The following KALRN variants were observed in gnomAD, a reference collection of about 807,000 sequenced individuals.
KALRN encodes kalirin RhoGEF kinase.
In KALRN, 70 loss-of-function variants were observed where a neutral mutation model predicts 353.7. That is an observed-to-expected ratio of 0.20 (90% CI 0.16 to 0.24). The LOEUF (loss-of-function observed/expected upper bound fraction) is 0.24. Ranked by LOEUF, KALRN falls within the 10% of genes least tolerant of loss-of-function variation. The probability of loss-of-function intolerance (pLI) is 1.00; values close to 1 mark genes in which losing one functional copy is unlikely to be tolerated. For missense variants in KALRN, 2,791 were observed against 3,756.7 expected (o/e 0.74, Z 6.72); for synonymous variants, 1,391 against 1,434.8 (o/e 0.97, Z 0.69).
chr3:124,568,823 C>T (rs747360845), intron 34 of KALRN, among the ~76,000 whole-genome samples: 2 of 152,096 alleles, frequency 1.3e-5, no homozygotes, highest in Non-Finnish European at 2.9e-5. Flanking sequence ...ATGATGATTG[C>T]CAGGGGCTGG....
intron 33 of KALRN, among the ~76,000 whole-genome samples, chr3:124,524,595 C>T (rs2067431594): frequency 6.6e-6 from 1 of 152,144 alleles, no homozygotes; most frequent in Non-Finnish European, 1.5e-5. Flanking sequence ...AAGGACTGAA[C>T]ATAAGAGAAA....
At chr3:124,384,542 G>A (rs1425324270) in intron 10 of KALRN, 11 of 246,276 alleles carry the variant, frequency 4.5e-5, no homozygotes, top group Non-Finnish European at 7.0e-5. Context: ...GGGTTTTCTT[G>A]AAGGTAGGGG....
chr3:124,617,441 C>T (rs1470510063), intron 34 of KALRN, among the ~76,000 whole-genome samples: 1 of 152,140 alleles, frequency 6.6e-6, no homozygotes, highest in Non-Finnish European at 1.5e-5. Context: ...TTATCAGTGC[C>T]AAACAAATAG....
At position 124,395,983 on chromosome 3, in the gene KALRN, T is replaced by C. The variant is rs1037264620; in HGVS notation, c.2171+640T>C. Among the ~76,000 whole-genome samples, 9 of 152,250 alleles carry C rather than the reference T, an allele frequency of 5.9e-5. 1 individual carries two copies. Among genetic ancestry groups the C allele is most frequent in the Admixed American group, 3.9e-4 (6 of 15,288 alleles). On this transcript the variant is annotated intron_variant, in intron 12 of 59. Coordinates refer to ENST00000682506, the MANE Select transcript of KALRN (RefSeq NM_001388419.1). ...TACCCAGGCCATTGCCTCCTTTCTA[T>C]TGGCATCAATATCTAGTTCTCTGCC... is the stretch of plus-strand genomic sequence containing the variant.
At chr3:124,368,354 C>T (rs535377174) in intron 10 of KALRN, among the ~76,000 whole-genome samples, 1 of 147,004 alleles carries the variant, frequency 6.8e-6, no homozygotes, top group African/African-American at 2.5e-5. Context: ...ACGGGGCGGC[C>T]GGGCAGAGAC....
chr3:124,534,889 C>T (rs771251454), intron 33 of KALRN, among the ~76,000 whole-genome samples: 1 of 152,062 alleles, frequency 6.6e-6, no homozygotes, highest in Admixed American at 6.6e-5. Flanking sequence ...ACAAACCAAG[C>T]GAACCCTGCA....
At chr3:124,234,261 G>A (rs1410422018) in intron 2 of KALRN, among the ~76,000 whole-genome samples, 2 of 152,140 alleles carry the variant, frequency 1.3e-5, no homozygotes. Flanking sequence ...ACAGGCAGGG[G>A]TGGTTTTTTG....
chr3:124,139,553 A>G (rs2066361226), intron 1 of KALRN, among the ~76,000 whole-genome samples: 1 of 152,118 alleles, frequency 6.6e-6, no homozygotes, highest in Non-Finnish European at 1.5e-5. Flanking sequence ...CTCTCTTGTT[A>G]GGGACAAGGA....
At chr3:124,679,872 C>A in intron 51 of KALRN, 1 of 332,548 alleles carries the variant, frequency 3.0e-6, no homozygotes, top group Non-Finnish European at 5.8e-6. Flanking sequence ...TGGATGAGTC[C>A]CAGCTAAATG....
At chr3:124,278,458 GGTGTGT>G (rs55855993) in intron 5 of KALRN, among the ~76,000 whole-genome samples, 10 of 145,400 alleles carry the variant, frequency 6.9e-5, no homozygotes, top group Non-Finnish European at 1.4e-4. Context: ...GGACACTTCA[GGTGTGT>G]GTGTGTGTGT....
chr3:124,408,511 A>G (rs1253622918), intron 13 of KALRN, among the ~76,000 whole-genome samples: 2 of 152,224 alleles, frequency 1.3e-5, no homozygotes, highest in Non-Finnish European at 2.9e-5. Flanking sequence ...TAGTGCTATG[A>G]GGATTAAATA....
chr3:124,152,063 G>A (rs1318031287), intron 1 of KALRN: 1 of 1,363,588 alleles, frequency 7.3e-7, no homozygotes, highest in Non-Finnish European at 1.0e-6. Context: ...TCATGGAGAA[G>A]ATAATTTAAA....
At chr3:124,163,841 G>A in intron 1 of KALRN, 1 of 985,382 alleles carries the variant, frequency 1.0e-6, no homozygotes, top group African/African-American at 1.7e-5. Flanking sequence ...TTAATGCCTG[G>A]ATATTTGCTT....
intron 50 of KALRN, 106 bp downstream of exon 50, chr3:124,678,419 G>C (rs886597627): frequency 2.4e-6 from 3 of 1,259,726 alleles, no homozygotes; most frequent in Non-Finnish European, 3.3e-6. Flanking sequence ...TTTTTTCCCA[G>C]TATGGGTACC....
At chr3:124,651,264 T>C (rs2083385921) in intron 38 of KALRN, among the ~76,000 whole-genome samples, 1 of 152,188 alleles carries the variant, frequency 6.6e-6, no homozygotes, top group African/African-American at 2.4e-5. Context: ...TGAGGGCCTA[T>C]AGAATCAGAG....
In KALRN at chr3:124,671,793, G is replaced by A; in HGVS notation, c.6837G>A (p.Lys2279=). Residue 2279 remains lysine (K), a synonymous_variant, in exon 48 of 60, where the codon AAG becomes AAA. Coordinates refer to ENST00000682506, the MANE Select transcript of KALRN (RefSeq NM_001388419.1). ...CTGCGGGCTCAGAGAAGCCCCCAAA[G>A]GGCTCCAGCTATAACCCACCTCTGC... ...SVPAGSEKPP[K]GSSYNPPLPP... 1 of 1,614,148 alleles carries A rather than the reference G, an allele frequency of 6.2e-7. No homozygotes were observed. Among genetic ancestry groups the A allele is most frequent in the Non-Finnish European group, 8.5e-7 (1 of 1,180,014 alleles).
chr3:124,607,198 G>A (rs981225659), intron 34 of KALRN, among the ~76,000 whole-genome samples: 1 of 152,236 alleles, frequency 6.6e-6, no homozygotes, highest in Admixed American at 6.5e-5. Context: ...TTTTACAGTG[G>A]TGTGGTATTC....
chr3:124,599,921 G>C (rs2076635526), intron 34 of KALRN, among the ~76,000 whole-genome samples: 1 of 152,176 alleles, frequency 6.6e-6, no homozygotes, highest in East Asian at 1.9e-4. Context: ...GAGTGTCTAT[G>C]GGTTCCACAC....
chr3:124,248,773 C>T (rs2070707350), intron 3 of KALRN, among the ~76,000 whole-genome samples: 1 of 152,220 alleles, frequency 6.6e-6, no homozygotes, highest in Admixed American at 6.5e-5. Flanking sequence ...AAAATCAGTA[C>T]ATTTTTCTCC....
Sources: gnomAD v4.1 joint callset for allele counts (sites outside exome capture counted in the v4.1 genomes callset) on GRCh38, gnomAD v4.1.1 for gene constraint, MANE v1.5 for transcripts, NCBI Gene and HGNC (gene_info 2026-07-23, HGNC 2026-07-21) for gene names.